The following PLCXD1 variants were observed in gnomAD, a reference collection of about 807,000 sequenced individuals.
PLCXD1 encodes the protein phosphatidylinositol specific phospholipase C X domain containing 1.
PLCXD1 carries 45 observed loss-of-function variants against 37.8 expected under a neutral mutation model. That is an observed-to-expected ratio of 1.19 (90% CI 0.94 to 1.53). PLCXD1 has a LOEUF of 1.53. Ranked by LOEUF, PLCXD1 falls within the 40% of genes most tolerant of loss-of-function variation. The pLI is 0.00. For missense variants in PLCXD1, 539 were observed against 454.7 expected (o/e 1.19, Z -1.69); for synonymous variants, 246 against 206.9 (o/e 1.19, Z -1.62).
chrX:298,934 C>G (rs1053237694), intron 6 of PLCXD1, among the ~76,000 whole-genome samples, 163 bp from the exon 7 acceptor site: 1 of 152,084 alleles, frequency 6.6e-6, no homozygotes, highest in African/African-American at 2.4e-5. Context: ...TTGTCTACTG[C>G]CCACCACGCT....
At chrX:294,540 G>A (rs1052723652) in intron 6 of PLCXD1, among the ~76,000 whole-genome samples, 5 of 151,756 alleles carry the variant, frequency 3.3e-5, no homozygotes, top group African/African-American at 1.2e-4. Context: ...TGAGGCAGGA[G>A]AAATGCTTGA....
chrX:282,261 A>C (rs2069295738), intron 1 of PLCXD1, among the ~76,000 whole-genome samples: 2 of 152,274 alleles, frequency 1.3e-5, no homozygotes, highest in South Asian at 2.1e-4. Context: ...GGACGCCTGT[A>C]ATCCCAGCTA....
intron 6 of PLCXD1, among the ~76,000 whole-genome samples, chrX:296,894 T>C (rs1468515551): frequency 4.2e-4 from 58 of 136,920 alleles, no homozygotes; most frequent in Middle Eastern, 4.0e-3. Context: ...ACATGGGGAT[T>C]AGGACGTGGA....
In PLCXD1 at chrX:285,022, T is replaced by C. The variant is rs191766527; in HGVS notation, c.127+708T>C. On this transcript the variant is annotated intron_variant, in intron 2 of 6. Coordinates refer to ENST00000381657, the MANE Select transcript of PLCXD1 (RefSeq NM_018390.4). The stretch of plus-strand genomic sequence containing the variant: ...GAATTATGGGAGCTACAATTCAAGA[T>C]GAGATTTGGGTGGGGACACAGCCGA... Among the ~76,000 whole-genome samples the C allele has an allele frequency of 3.0e-3, 457 of 152,084 alleles. 1 individual carries two copies. Among genetic ancestry groups the C allele is most frequent in the African/African-American group, 0.01 (426 of 41,488 alleles).
chrX:292,226 C>A (rs1463942788), intron 5 of PLCXD1, among the ~76,000 whole-genome samples: 1 of 151,898 alleles, frequency 6.6e-6, no homozygotes, highest in East Asian at 1.9e-4. Flanking sequence ...GAGGCCGAGG[C>A]GGGCGGATCA....
chrX:278,867 C>G (rs1247386622), upstream of PLCXD1, among the ~76,000 whole-genome samples: 2 of 151,838 alleles, frequency 1.3e-5, no homozygotes, highest in Admixed American at 1.3e-4. Flanking sequence ...TTTAAGGAAA[C>G]GTCAGACATG....
At chrX:291,431 C>G in intron 4 of PLCXD1, 68 bp from the exon 5 acceptor site, 1 of 1,564,522 alleles carries the variant, frequency 6.4e-7, no homozygotes, top group Non-Finnish European at 8.8e-7. Context: ...CAGGCGTGAG[C>G]CGCCACACCC....
In PLCXD1 at chrX:300,889, G is replaced by A. The variant is rs984401020; in HGVS notation, c.*1554G>A. The A allele has an allele frequency of 6.6e-6, 1 of 152,058 alleles. No homozygotes were observed. The highest frequency in any genetic ancestry group is 1.5e-5 in the Non-Finnish European group (1 of 68,042). The allele number at this position is 152,058 out of a possible 1,614,324, so 9.4% of individuals were successfully genotyped here. On this transcript the variant is annotated 3_prime_UTR_variant, in exon 7 of 7. Transcript: ENST00000381657. ...CGACTAATTTCATATATTTAGTAGA[G>A]ACGGGGTTTCTCCGCGTTGGTCAGG...
In PLCXD1 at chrX:299,167, C is replaced by G. The variant is rs773233425; in HGVS notation, c.804C>G (p.Ser268=). The change falls in exon 7 of 7, where the codon TCC becomes TCG. Residue 268 remains serine, a synonymous_variant. Coordinates refer to ENST00000381657, the MANE Select transcript of PLCXD1 (RefSeq NM_018390.4). ...LQYVLAHPSE[S]LEKMTLPNLP... ...ACGTTCTGGCGCACCCGTCCGAGTCCCTGGAGAAGATGACGCTGCCCAACC... is the reference window on the plus strand; with the variant it reads ...ACGTTCTGGCGCACCCGTCCGAGTCGCTGGAGAAGATGACGCTGCCCAACC... The G allele has an allele frequency of 1.8e-5, 29 of 1,613,778 alleles. No individual in the cohort carries two copies. In the South Asian group the frequency reaches 2.7e-4, roughly 15 times the overall value.
Position 290,683 on chromosome X carries a change from G to A in PLCXD1, c.300G>A (p.Val100=). 6.2e-7 allele frequency: 1 copy of A among 1,613,840 alleles called. No individual in the cohort carries two copies. Among genetic ancestry groups the A allele is most frequent in the South Asian group, 1.1e-5 (1 of 91,078 alleles). Reference sequence around the variant, plus strand: ...TCACAGAGCAGCTGGATGCCGGGGTGCGGTACCTGGACCTGCGGATAGCCC... The same window carrying A: ...TCACAGAGCAGCTGGATGCCGGGGTACGGTACCTGGACCTGCGGATAGCCC... ...LDVTEQLDAG[V]RYLDLRIAHM... is the part of the protein sequence containing the mutation. The change falls in exon 4 of 7, where the codon GTG becomes GTA. Residue 100 remains valine (V), a synonymous_variant. Transcript: ENST00000381657.
upstream of PLCXD1, among the ~76,000 whole-genome samples, chrX:277,277 A>G (rs77502411): frequency 0.41 from 11,597 of 28,268 alleles, 3,345 homozygotes; most frequent in East Asian, 0.54. Context: ...GTGGGGACAG[A>G]TGTGGGGATA....
At chrX:284,090 C>G in intron 1 of PLCXD1, 77 bp from the exon 2 acceptor site, 2 of 1,171,000 alleles carry the variant, frequency 1.7e-6, no homozygotes, top group Non-Finnish European at 2.5e-6. Context: ...GGGGTTTTGT[C>G]AAGTTGGCCA....
At chrX:290,506 G>A in intron 3 of PLCXD1, 142 bp from the exon 4 acceptor site, 1 of 823,104 alleles carries the variant, frequency 1.2e-6, no homozygotes, top group South Asian at 1.7e-5. Context: ...AGCGCTCCCA[G>A]CACATACAAA....
At chrX:281,369 C>G (rs1271712013), upstream of PLCXD1, 4 of 154,528 alleles carry the variant, frequency 2.6e-5, no homozygotes, top group Non-Finnish European at 5.7e-5. Context: ...TCCCTCCCTC[C>G]CTCCCTCCCT....
chrX:290,857 G>A, intron 4 of PLCXD1, 81 bp downstream of exon 4: 1 of 852,178 alleles, frequency 1.2e-6, no homozygotes. Flanking sequence ...GGGCTGAGGT[G>A]GGAAGCAAGG....
intron 6 of PLCXD1, among the ~76,000 whole-genome samples, chrX:297,031 A>G (rs771948329): frequency 2.8e-5 from 1 of 36,118 alleles, no homozygotes; most frequent in Admixed American, 2.2e-4. Context: ...CCTGTCTATC[A>G]CATGGGGATT....
intron 6 of PLCXD1, among the ~76,000 whole-genome samples, chrX:296,730 C>A (rs1424991911): frequency 1.3e-5 from 2 of 152,188 alleles, no homozygotes; most frequent in African/African-American, 2.4e-5. Flanking sequence ...TTCTTCCTGT[C>A]TATCACATGG....
intron 2 of PLCXD1, among the ~76,000 whole-genome samples, chrX:285,626 T>G (rs2069429465): frequency 1.3e-5 from 2 of 151,368 alleles, no homozygotes; most frequent in Admixed American, 6.6e-5. Flanking sequence ...CAGGCACACA[T>G]GCACATGCAC....
Position 300,785 on chromosome X carries a change from C to T in PLCXD1, c.*1450C>T, listed in dbSNP as rs1227831582. The stretch of plus-strand genomic sequence containing the variant: ...ACGGCGAGATCTCGGCTCACCGCAA[C>T]CTCCGCCTCCCTGGTTCAAGCAATT... On this transcript the variant is annotated 3_prime_UTR_variant, in exon 7 of 7. Transcript: ENST00000381657. The T allele has an allele frequency of 6.6e-6, 1 of 151,904 alleles. No individual in the cohort carries two copies. The highest frequency in any genetic ancestry group is 2.4e-5 in the African/African-American group (1 of 41,344). 9.4% of individuals were successfully genotyped at this position (151,904 alleles called of 1,614,324 possible).
Sources: gnomAD v4.1 joint callset for allele counts (sites outside exome capture counted in the v4.1 genomes callset) on GRCh38, gnomAD v4.1.1 for gene constraint, MANE v1.5 for transcripts, NCBI Gene and HGNC (gene_info 2026-07-23, HGNC 2026-07-21) for gene names.